Variants in MS4A12 observed in about 807,000 individuals in gnomAD.
MS4A12 encodes the protein membrane-spanning 4-domains subfamily A member 12.
A neutral mutation model predicts 23.7 loss-of-function variants in MS4A12; 28 were observed. The ratio of observed to expected loss-of-function variants is 1.18; its 90% confidence interval spans 0.88 to 1.62. The LOEUF is 1.62. Among genes scored for constraint, MS4A12 ranks in the 40% most tolerant of loss-of-function variants. The probability of loss-of-function intolerance (pLI) is 0.00; values close to 1 mark genes in which losing one functional copy is unlikely to be tolerated. For synonymous variants in MS4A12, 108 were observed against 110.1 expected (o/e 0.98, Z 0.12); for missense variants, 342 against 327.0 (o/e 1.05, Z -0.35).
rs755297132 is a variant in MS4A12, at chr11:60,503,810, G to T, written c.581G>T (p.Trp194Leu). ...CINGVAGQDY[W>L]AVLSGKGISA... Reference sequence around the variant, plus strand: ...AATGGGGTAGCTGGCCAAGACTACTGGGCCGTGGTAAGTATCCCATACTCC... The same window carrying T: ...AATGGGGTAGCTGGCCAAGACTACTTGGCCGTGGTAAGTATCCCATACTCC... The change falls in exon 5 of 7, where the codon TGG becomes TTG. Residue 194 changes from tryptophan (W) to leucine (L), a missense_variant. Physicochemically the swap from Trp to Leu is moderately conservative, Grantham distance 61. Coordinates refer to ENST00000016913, the MANE Select transcript of MS4A12 (RefSeq NM_017716.3). 1 of 1,612,720 alleles carries T rather than the reference G, an allele frequency of 6.2e-7. No homozygotes were observed. The highest frequency in any genetic ancestry group is 2.2e-5 in the East Asian group (1 of 44,852).
At chr11:60,503,676 G>C (rs2086548271) in intron 4 of MS4A12, 25 bp from the exon 5 acceptor site, 1 of 1,559,038 alleles carries the variant, frequency 6.4e-7, no homozygotes, top group African/African-American at 1.4e-5. Flanking sequence ...GTATATAATT[G>C]ATTTTTTCCT....
chr11:60,498,751 T>C (rs1409065824), intron 2 of MS4A12, among the ~76,000 whole-genome samples: 1 of 152,152 alleles, frequency 6.6e-6, no homozygotes, highest in Non-Finnish European at 1.5e-5. Flanking sequence ...AATTTCAAGG[T>C]GGTCAGAATG....
At chr11:60,500,271 AAC>A (rs2086521085) in intron 2 of MS4A12, among the ~76,000 whole-genome samples, 2 of 152,028 alleles carry the variant, frequency 1.3e-5, no homozygotes, top group Non-Finnish European at 2.9e-5. Flanking sequence ...CAAAAAAAAA[AAC>A]AATATAAATG....
In MS4A12 at chr11:60,495,159, A is replaced by AT. The variant is rs5792186; in HGVS notation, c.-6-2138dup. On this transcript the variant is annotated intron_variant, in intron 1 of 6. Transcript: ENST00000016913. ...AGGCGACCACCACTACACCCGGCTA[A>AT]TTTTTTTTTTTTTTTTGTATTTTTA... Among the ~76,000 whole-genome samples the AT allele has an allele frequency of 9.0e-3, 1,319 of 146,808 alleles. 13 individuals carry two copies. Among genetic ancestry groups the AT allele is most frequent in the African/African-American group, 0.021 (822 of 39,908 alleles).
Position 60,502,048 on chromosome 11 carries a change from G to A in MS4A12, c.471+9G>A, listed in dbSNP as rs150813271. Reference sequence around the variant, plus strand: ...AGCTTTCCCGTTGTCTGGTAAGTTAGACTGTCTCTACTTTTTGAACCCCTT... The same window carrying A: ...AGCTTTCCCGTTGTCTGGTAAGTTAAACTGTCTCTACTTTTTGAACCCCTT... On this transcript the variant is annotated intron_variant, in intron 4 of 6. Coordinates refer to ENST00000016913, the MANE Select transcript of MS4A12 (RefSeq NM_017716.3). 809 of 1,603,812 alleles carry A rather than the reference G, an allele frequency of 5.0e-4. 2 individuals carry two copies. The African/African-American group carries it at 9.7e-3, about 19-fold the overall frequency.
chr11:60,499,461 A>C (rs1590860734), intron 2 of MS4A12, among the ~76,000 whole-genome samples: 1 of 152,218 alleles, frequency 6.6e-6, no homozygotes, highest in African/African-American at 2.4e-5. Context: ...TCTAAAGAAC[A>C]GTTGTAAAAA....
chr11:60,500,657 G>A (rs2086523573), intron 2 of MS4A12, among the ~76,000 whole-genome samples: 1 of 152,220 alleles, frequency 6.6e-6, no homozygotes, highest in African/African-American at 2.4e-5. Context: ...CCGTAACTGG[G>A]ATGACCCAAG....
At position 60,501,053 on chromosome 11, in the gene MS4A12, G is replaced by A. The variant is rs2086526414; in HGVS notation, c.285G>A (p.Gln95=). Residue 95 remains glutamine (Q), a synonymous_variant, in exon 3 of 7, where the codon CAG becomes CAA. Coordinates refer to ENST00000016913, the MANE Select transcript of MS4A12 (RefSeq NM_017716.3). ...KEEAKALGVI[Q]IMVGLMHIGF... Reference sequence around the variant, plus strand: ...CTGTTTTCTTTTTTCAGGTGATCCAGATCATGGTTGGATTGATGCACATTG... The same window carrying A: ...CTGTTTTCTTTTTTCAGGTGATCCAAATCATGGTTGGATTGATGCACATTG... 1 of 1,602,344 alleles carries A rather than the reference G, an allele frequency of 6.2e-7. No individual in the cohort carries two copies. Among genetic ancestry groups the A allele is most frequent in the East Asian group, 2.3e-5 (1 of 44,188 alleles).
intron 5 of MS4A12, among the ~76,000 whole-genome samples, chr11:60,505,202 T>G (rs963767601): frequency 5.9e-5 from 9 of 152,142 alleles, no homozygotes; most frequent in African/African-American, 2.2e-4. Flanking sequence ...ACATCTTATA[T>G]GGATGGGGGC....
intron 1 of MS4A12, among the ~76,000 whole-genome samples, chr11:60,496,972 C>T (rs1204202989): frequency 3.9e-5 from 6 of 152,186 alleles, no homozygotes; most frequent in African/African-American, 1.4e-4. Context: ...GAGCATGCAA[C>T]CTAGATCCCC....
chr11:60,506,065 C>T (rs1428073114), intron 5 of MS4A12, among the ~76,000 whole-genome samples: 2 of 152,118 alleles, frequency 1.3e-5, no homozygotes, highest in African/African-American at 4.8e-5. Flanking sequence ...AAAACAACCG[C>T]TAGGGCTCAA....
At chr11:60,503,627 A>G in intron 4 of MS4A12, 74 bp from the exon 5 acceptor site, 1 of 1,201,782 alleles carries the variant, frequency 8.3e-7, no homozygotes, top group Non-Finnish European at 1.2e-6. Context: ...GAACCATGAA[A>G]TTTGATTGAT....
intron 1 of MS4A12, among the ~76,000 whole-genome samples, chr11:60,493,307 C>T (rs964028934): frequency 3.4e-4 from 50 of 148,522 alleles, no homozygotes; most frequent in Non-Finnish European, 4.7e-4. Flanking sequence ...ACTCGGGAGG[C>T]GGAGGTTGCA....
chr11:60,499,771 A>C (rs2086516084), intron 2 of MS4A12, among the ~76,000 whole-genome samples: 1 of 152,210 alleles, frequency 6.6e-6, no homozygotes. Flanking sequence ...AGATGTAACC[A>C]TGGGGAAAAA....
intron 4 of MS4A12, among the ~76,000 whole-genome samples, chr11:60,503,179 C>G (rs961843658): frequency 6.6e-6 from 1 of 152,122 alleles, no homozygotes; most frequent in Non-Finnish European, 1.5e-5. Context: ...AAATTTTCTC[C>G]TTCTAAATTT....
intron 2 of MS4A12, among the ~76,000 whole-genome samples, chr11:60,499,745 T>C (rs913062641): frequency 6.6e-6 from 1 of 152,208 alleles, no homozygotes; most frequent in African/African-American, 2.4e-5. Flanking sequence ...GTATTTGCAG[T>C]CTCCCTGGAT....
At chr11:60,495,916 C>T (rs2086484491) in intron 1 of MS4A12, among the ~76,000 whole-genome samples, 1 of 152,110 alleles carries the variant, frequency 6.6e-6, no homozygotes, top group Non-Finnish European at 1.5e-5. Flanking sequence ...GAGTCAATAC[C>T]CTGTCACCAA....
chr11:60,503,937 C>A (rs2086551314), intron 5 of MS4A12, 120 bp downstream of exon 5: 1 of 797,894 alleles, frequency 1.3e-6, no homozygotes, highest in Non-Finnish European at 2.0e-6. Context: ...CTATTCTAGC[C>A]CCACCCCTAG....
In MS4A12 at chr11:60,503,727, T is replaced by G; in HGVS notation, c.498T>G (p.Ile166Met). The change falls in exon 5 of 7, where the codon ATT becomes ATG. Residue 166 changes from isoleucine to methionine, a missense_variant. Transcript: ENST00000016913. ...TGAAAGGCAGCCTGGGAATGAACAT[T>G]GTTAGTTCTATCTTGGCCTTCATTG... ...CLVKGSLGMN[I>M]VSSILAFIGV... 1.9e-6 allele frequency: 3 copies of G among 1,613,540 alleles called. No individual in the cohort carries two copies. The highest frequency in any genetic ancestry group is 2.5e-6 in the Non-Finnish European group (3 of 1,179,720).
Sources: allele counts gnomAD v4.1 joint callset (sites outside exome capture counted in the v4.1 genomes callset), GRCh38; gene constraint gnomAD v4.1.1; transcripts MANE v1.5; gene names NCBI Gene and HGNC (gene_info 2026-07-23, HGNC 2026-07-21).